Variants in ZNF704 observed in about 807,000 individuals in gnomAD.
ZNF704 encodes the protein zinc finger protein 704.
Under a neutral mutation model 44.7 loss-of-function variants are expected in ZNF704, and 10 were observed. The ratio of observed to expected loss-of-function variants is 0.22; its 90% confidence interval spans 0.14 to 0.38. ZNF704 has a LOEUF of 0.38. ZNF704 is among the 10% of genes least tolerant of loss of function. ZNF704 has a pLI of 1.00. For missense variants in ZNF704, 390 were observed against 545.5 expected (o/e 0.71, Z 2.84); for synonymous variants, 211 against 207.6 (o/e 1.02, Z -0.14).
chr8:80,663,042 A>G (rs1818125480), intron 6 of ZNF704, among the ~76,000 whole-genome samples: 1 of 152,208 alleles, frequency 6.6e-6, no homozygotes, highest in South Asian at 2.1e-4. Flanking sequence ...ATATTTTCTT[A>G]AAATTTGAAT....
At position 80,659,515 on chromosome 8, in the gene ZNF704, C is replaced by T. The variant is rs1232805676; in HGVS notation, c.1032+70G>A. The T allele has an allele frequency of 8.6e-6, 11 of 1,276,040 alleles. 1 individual carries two copies. Among genetic ancestry groups the T allele is most frequent in the Admixed American group, 5.1e-5 (3 of 59,016 alleles). The allele number at this position is 1,276,040 out of a possible 1,614,324, so 79.0% of individuals were successfully genotyped here. On this transcript the variant is annotated intron_variant, in intron 7 of 8. Transcript: ENST00000327835. ...TTTGTATTTTTCTTGCATGCCTCTACTATTTGTTCGCTAAATTTAGTCTAC... is the reference window on the plus strand; with the variant it reads ...TTTGTATTTTTCTTGCATGCCTCTATTATTTGTTCGCTAAATTTAGTCTAC...
At position 80,735,713 on chromosome 8, in the gene ZNF704, TC is replaced by T. The variant is rs1330255096; in HGVS notation, c.222-42607del. 5.9e-5 allele frequency among the ~76,000 whole-genome samples: 9 copies of T among 152,324 alleles called. No homozygotes were observed. In the South Asian group the frequency reaches 1.9e-3, roughly 32 times the overall value. On this transcript the variant is annotated intron_variant, in intron 2 of 8. Coordinates refer to ENST00000327835, the MANE Select transcript of ZNF704 (RefSeq NM_001033723.3). Reference sequence around the variant, plus strand: ...GCCACAACACATAGATTATTTTTTTTCCATGGGTTATACAATGGGATGAAAT... The same window carrying T: ...GCCACAACACATAGATTATTTTTTTTCATGGGTTATACAATGGGATGAAAT...
At chr8:80,856,532 A>AT (rs947046423) in intron 1 of ZNF704, among the ~76,000 whole-genome samples, 3 of 152,090 alleles carry the variant, frequency 2.0e-5, no homozygotes, top group Admixed American at 2.0e-4. Context: ...TTTTTAAATA[A>AT]TTTTTTTGTG....
the ZNF704 span, among the ~76,000 whole-genome samples, chr8:80,880,490 T>C: frequency 1.3e-5 from 2 of 152,234 alleles, no homozygotes; most frequent in Non-Finnish European, 2.9e-5. Context: ...ATAACCCCTG[T>C]AATTGTTTTT....
intron 7 of ZNF704, among the ~76,000 whole-genome samples, chr8:80,656,993 A>T (rs939965956): frequency 6.6e-6 from 1 of 152,180 alleles, no homozygotes; most frequent in South Asian, 2.1e-4. Flanking sequence ...ACACCAATTT[A>T]GAGGGTAAGA....
intron 2 of ZNF704, among the ~76,000 whole-genome samples, chr8:80,743,002 T>TA (rs1806787254): frequency 6.6e-6 from 1 of 152,022 alleles, no homozygotes; most frequent in Non-Finnish European, 1.5e-5. Context: ...GAGAGCTCAC[T>TA]AAAATGCTAA....
At chr8:80,852,352 C>T (rs1808879568) in intron 1 of ZNF704, among the ~76,000 whole-genome samples, 1 of 152,170 alleles carries the variant, frequency 6.6e-6, no homozygotes, top group Non-Finnish European at 1.5e-5. Context: ...TTAGTATATA[C>T]ATGCCACATG....
intron 2 of ZNF704, among the ~76,000 whole-genome samples, chr8:80,788,663 T>A (rs1807654543): frequency 6.6e-6 from 1 of 152,206 alleles, no homozygotes; most frequent in South Asian, 2.1e-4. Context: ...CAGCCACCTA[T>A]GAAGGAAGGC....
At chr8:80,750,898 G>A (rs543979653) in intron 2 of ZNF704, among the ~76,000 whole-genome samples, 107 of 152,286 alleles carry the variant, frequency 7.0e-4, no homozygotes, top group Non-Finnish European at 1.1e-3. Context: ...ATGGCACAGC[G>A]CTGAAGAGTT....
intron 1 of ZNF704, among the ~76,000 whole-genome samples, chr8:80,829,060 C>T (rs1808426300): frequency 6.6e-6 from 1 of 152,198 alleles, no homozygotes; most frequent in African/African-American, 2.4e-5. Context: ...TCATTAAAAA[C>T]TCACAATATT....
chr8:80,697,133 G>A (rs1818738946), intron 2 of ZNF704, among the ~76,000 whole-genome samples: 1 of 152,146 alleles, frequency 6.6e-6, no homozygotes, highest in African/African-American at 2.4e-5. Context: ...GTGAGCCCTG[G>A]GCTTACTGGG....
chr8:80,777,718 G>C (rs898306284), intron 2 of ZNF704, among the ~76,000 whole-genome samples: 5 of 151,710 alleles, frequency 3.3e-5, no homozygotes, highest in African/African-American at 9.7e-5. Flanking sequence ...GTCTCTACTA[G>C]AAATACAAAA....
Position 80,641,277 on chromosome 8 carries a change from T to C in ZNF704, c.*89A>G, listed in dbSNP as rs910130393. The stretch of plus-strand genomic sequence containing the variant: ...TTTTCCTGGCTTCAACTGTGTTTTA[T>C]TCAGTAGGAAAAGCTCTTTCCAACA... On this transcript the variant is annotated 3_prime_UTR_variant, in exon 9 of 9. Transcript: ENST00000327835. The C allele has an allele frequency of 1.2e-6, 1 of 814,832 alleles. No homozygotes were observed. The highest frequency in any genetic ancestry group is 1.9e-6 in the Non-Finnish European group (1 of 527,870). 50.5% of individuals were successfully genotyped at this position (814,832 alleles called of 1,614,324 possible).
chr8:80,722,036 A>C (rs947043736), intron 2 of ZNF704, among the ~76,000 whole-genome samples: 2 of 152,188 alleles, frequency 1.3e-5, no homozygotes, highest in Admixed American at 1.3e-4. Flanking sequence ...CAGGAGTTCA[A>C]GACCAGCCTG....
intron 4 of ZNF704, among the ~76,000 whole-genome samples, chr8:80,675,530 T>C (rs753821792): frequency 3.9e-5 from 6 of 152,022 alleles, no homozygotes; most frequent in Non-Finnish European, 5.9e-5. Flanking sequence ...ATCACCAGCA[T>C]GGAGTCAGTG....
rs113191304 is a variant in ZNF704 at position 80,711,290 on chromosome 8, T to C, written c.222-18183A>G. Among the ~76,000 whole-genome samples the C allele has an allele frequency of 2.4e-3, 361 of 152,294 alleles. 1 individual carries two copies. The highest frequency in any genetic ancestry group is 8.3e-3 in the African/African-American group (343 of 41,552). ...ACAGTCCCAGTGGCAGTGATGATTC[T>C]GACAGTAGCAGCAGTGGCAACAGGA... On this transcript the variant is annotated intron_variant, in intron 2 of 8. Transcript: ENST00000327835.
At chr8:80,679,141 G>T (rs112649045) in intron 4 of ZNF704, among the ~76,000 whole-genome samples, 1,610 of 152,200 alleles carry the variant, frequency 0.011, 24 homozygotes, top group African/African-American at 0.036. Flanking sequence ...TTCCAAGGTT[G>T]TTAGCCCCTG....
intron 2 of ZNF704, among the ~76,000 whole-genome samples, chr8:80,818,025 A>C (rs943247161): frequency 9.9e-5 from 15 of 152,224 alleles, no homozygotes; most frequent in African/African-American, 3.4e-4. Flanking sequence ...GAATGGAGGC[A>C]GGAGATCTGA....
chr8:80,809,041 C>T (rs775002564), intron 2 of ZNF704, among the ~76,000 whole-genome samples: 11 of 152,184 alleles, frequency 7.2e-5, no homozygotes, highest in Non-Finnish European at 1.5e-4. Context: ...TCTGTAATCC[C>T]AGCACTTTGG....
Sources: allele counts gnomAD v4.1 joint callset (sites outside exome capture counted in the v4.1 genomes callset), GRCh38; gene constraint gnomAD v4.1.1; transcripts MANE v1.5; gene names NCBI Gene and HGNC (gene_info 2026-07-23, HGNC 2026-07-21).